TDRD12: variants seen among roughly 807,000 people sequenced by gnomAD.
TDRD12 encodes tudor domain containing 12.
TDRD12 carries 158 observed loss-of-function variants against 133.5 expected under a neutral mutation model. The ratio of observed to expected loss-of-function variants is 1.18; its 90% CI spans 1.04 to 1.35. The LOEUF is 1.35. Ranked by LOEUF, TDRD12 falls within the 40% of genes most tolerant of loss-of-function variation. TDRD12 has a pLI of 0.00. For synonymous variants in TDRD12, 460 were observed against 477.9 expected, an observed-to-expected ratio of 0.96 and a Z score of 0.49; for missense variants, 1,443 against 1,321.3, an observed-to-expected ratio of 1.09 and a Z score of -1.43.
intron 1 of TDRD12, among the ~76,000 whole-genome samples, chr19:32,729,117 G>C (rs1177099059): frequency 6.8e-6 from 1 of 146,468 alleles, no homozygotes; most frequent in Non-Finnish European, 1.5e-5. Context: ...TTTAAGTTCT[G>C]TATTTATAAT....
At chr19:32,790,474 C>T in intron 11 of TDRD12, 57 bp from the exon 12 acceptor site, 1 of 1,493,772 alleles carries the variant, frequency 6.7e-7, no homozygotes, top group Non-Finnish European at 9.1e-7. Context: ...AAAAGAATAG[C>T]TCAACTGAGG....
chr19:32,729,805 T>TTTTTTG (rs1568445126), intron 1 of TDRD12, among the ~76,000 whole-genome samples: 3 of 139,568 alleles, frequency 2.1e-5, no homozygotes, highest in Admixed American at 7.1e-5. Context: ...TTTTTTTTTT[T>TTTTTTG]TGTGAGATGG....
intron 1 of TDRD12, 31 bp downstream of exon 1, chr19:32,720,127 A>ACCCACGCCAGT: frequency 6.5e-7 from 1 of 1,542,602 alleles, no homozygotes; most frequent in Admixed American, 2.0e-5. Flanking sequence ...CCCACGCCAG[A>ACCCACGCCAGT]CCCACGCAGT....
chr19:32,765,900 A>G (rs1304737182), intron 8 of TDRD12, among the ~76,000 whole-genome samples: 4 of 152,066 alleles, frequency 2.6e-5, no homozygotes, highest in African/African-American at 7.2e-5. Context: ...TTAAAAAAAA[A>G]AAACAGAGCA....
At chr19:32,722,008 G>A (rs1346653738) in intron 1 of TDRD12, among the ~76,000 whole-genome samples, 2 of 151,904 alleles carry the variant, frequency 1.3e-5, no homozygotes, top group African/African-American at 2.4e-5. Context: ...GAGCCACCAC[G>A]CCCGGCCGGT....
At chr19:32,759,119 G>A (rs963129643) in intron 8 of TDRD12, among the ~76,000 whole-genome samples, 1 of 152,172 alleles carries the variant, frequency 6.6e-6, no homozygotes, top group African/African-American at 2.4e-5. Context: ...GCGTGTGCCT[G>A]TAGTCCCAGC....
At chr19:32,778,762 AGTGCTAGGATTACAGGAGTGAGCCACT>A (rs1970680579) in intron 11 of TDRD12, among the ~76,000 whole-genome samples, 1 of 152,222 alleles carries the variant, frequency 6.6e-6, no homozygotes, top group Non-Finnish European at 1.5e-5. Flanking sequence ...GGCTTCCCAA[AGTGCTAGGATTACAGGAGTGAGCCACT>A]GTGCCCGGAT....
intron 1 of TDRD12, among the ~76,000 whole-genome samples, chr19:32,721,245 G>A (rs574415236): frequency 6.6e-6 from 1 of 152,324 alleles, no homozygotes; most frequent in South Asian, 2.1e-4. Context: ...GTTGCTGGAG[G>A]AAGGAGTTGA....
intron 22 of TDRD12, among the ~76,000 whole-genome samples, chr19:32,808,910 T>C (rs1296685584): frequency 1.3e-5 from 2 of 150,884 alleles, no homozygotes; most frequent in Non-Finnish European, 2.9e-5. Flanking sequence ...TAGGGATGGT[T>C]CTTCTGCTCT....
At chr19:32,782,859 G>A (rs1176658532) in intron 11 of TDRD12, among the ~76,000 whole-genome samples, 1 of 152,110 alleles carries the variant, frequency 6.6e-6, no homozygotes, top group Non-Finnish European at 1.5e-5. Context: ...TGTAGATTTT[G>A]GATATTAGCC....
chr19:32,800,716 G>T, exon 18 of TDRD12: 1 of 1,535,536 alleles, frequency 6.5e-7, no homozygotes, highest in East Asian at 2.4e-5. Flanking sequence ...TCCAAGTCAG[G>T]CACAAAAGAC....
chr19:32,823,282 G>A (rs1224000062), downstream of TDRD12, among the ~76,000 whole-genome samples: 1 of 152,228 alleles, frequency 6.6e-6, no homozygotes, highest in Non-Finnish European at 1.5e-5. Context: ...GACGAAGGCA[G>A]CCTTGCCCAC....
Position 32,826,429 on chromosome 19 carries a change from C to CT in TDRD12, c.896-11dup. On this transcript the variant is annotated splice_polypyrimidine_tract_variant and intron_variant, in intron 8 of 9. Transcript: ENST00000637289. ...GCATTTTAAAAGGCTGACTTTATTT[C>CT]TTTTTATAAACCCAGTGCTTGGGTG... The CT allele has an allele frequency of 8.8e-7, 1 of 1,131,220 alleles. No individual in the cohort carries two copies. The highest frequency in any genetic ancestry group is 4.0e-5 in the South Asian group (1 of 24,808). The allele number at this position is 1,131,220 out of a possible 1,614,324, so 70.1% of individuals were successfully genotyped here.
chr19:32,803,750 G>T (rs147162970), intron 21 of TDRD12, among the ~76,000 whole-genome samples: 152 of 152,324 alleles, frequency 1.0e-3, no homozygotes, highest in African/African-American at 3.5e-3. Context: ...CCAGCGCTTA[G>T]TGTTGGTGGA....
intron 1 of TDRD12, among the ~76,000 whole-genome samples, chr19:32,722,358 T>G (rs2145402898): frequency 6.6e-6 from 1 of 152,220 alleles, no homozygotes; most frequent in Admixed American, 6.5e-5. Flanking sequence ...GCCCAGGAAC[T>G]CTTTCATTTA....
intron 13 of TDRD12, among the ~76,000 whole-genome samples, chr19:32,792,601 G>A (rs1336346836): frequency 1.3e-5 from 2 of 152,096 alleles, no homozygotes; most frequent in East Asian, 1.9e-4. Context: ...TTTGAGGTCC[G>A]GTTTCTGAAA....
intron 8 of TDRD12, among the ~76,000 whole-genome samples, chr19:32,761,414 G>A (rs1970148053): frequency 6.6e-6 from 1 of 152,210 alleles, no homozygotes; most frequent in Non-Finnish European, 1.5e-5. Flanking sequence ...ACAGGCATGA[G>A]CTACTGCGCC....
chr19:32,782,267 T>C (rs1447514918), intron 11 of TDRD12, among the ~76,000 whole-genome samples: 5 of 152,192 alleles, frequency 3.3e-5, no homozygotes, highest in African/African-American at 4.8e-5. Context: ...GTTTCCAGCT[T>C]CATCCCTGTC....
intron 4 of TDRD12, 89 bp from the exon 5 acceptor site, chr19:32,748,387 G>A (rs56354415): frequency 0.039 from 51,291 of 1,308,358 alleles, 1,165 homozygotes; most frequent in Non-Finnish European, 0.046. Flanking sequence ...TGTAGTGTGA[G>A]AAATGTCCAG....
Sources: gnomAD v4.1 joint callset for allele counts (sites outside exome capture counted in the v4.1 genomes callset) on GRCh38, gnomAD v4.1.1 for gene constraint, MANE v1.5 for transcripts, NCBI Gene and HGNC (gene_info 2026-07-23, HGNC 2026-07-21) for gene names.